The following FGFR2 variants were observed in gnomAD, a reference collection of about 807,000 sequenced individuals.
FGFR2 encodes the protein BEK fibroblast growth factor receptor.
Under a neutral mutation model 95.9 loss-of-function variants are expected in FGFR2, and 19 were observed. The observed-to-expected ratio is 0.20, with a 90% CI of 0.14 to 0.29. The LOEUF (loss-of-function observed/expected upper bound fraction) is 0.29, where lower values mean the gene tolerates loss of function less well. Ranked by LOEUF, FGFR2 falls within the 10% of genes least tolerant of loss-of-function variation. FGFR2 has a pLI of 1.00. For missense variants in FGFR2, 707 were observed against 1,056.9 expected (o/e 0.67, Z 4.59); for synonymous variants, 392 against 393.3 (o/e 1.00, Z 0.04).
chr10:121,582,137 G>A (rs976925902), intron 2 of FGFR2, among the ~76,000 whole-genome samples: 1 of 151,900 alleles, frequency 6.6e-6, no homozygotes, highest in African/African-American at 2.4e-5. Context: ...TCACCATGTT[G>A]GCCAGGCTAG....
intron 4 of FGFR2, among the ~76,000 whole-genome samples, chr10:121,552,410 TC>T: frequency 6.6e-6 from 1 of 152,306 alleles, no homozygotes; most frequent in Non-Finnish European, 1.5e-5. Flanking sequence ...ACATTAATCT[TC>T]ACAATGCTTC....
chr10:121,513,586 A>G (rs1303734787), intron 9 of FGFR2, among the ~76,000 whole-genome samples: 1 of 152,164 alleles, frequency 6.6e-6, no homozygotes, highest in South Asian at 2.1e-4. Context: ...AATAATAGAA[A>G]CCATGTAAGA....
At chr10:121,536,976 G>A (rs1852926040) in intron 6 of FGFR2, among the ~76,000 whole-genome samples, 1 of 152,136 alleles carries the variant, frequency 6.6e-6, no homozygotes, top group African/African-American at 2.4e-5. Flanking sequence ...AGGAACCCAG[G>A]TAAAGGCCAA....
chr10:121,537,085 T>C (rs1048112171), intron 6 of FGFR2, among the ~76,000 whole-genome samples: 2 of 152,234 alleles, frequency 1.3e-5, no homozygotes, highest in Admixed American at 1.3e-4. Context: ...TCTTTTTGTT[T>C]GTTTTGTAAA....
chr10:121,567,922 G>C (rs922436343), intron 2 of FGFR2, among the ~76,000 whole-genome samples: 1 of 152,214 alleles, frequency 6.6e-6, no homozygotes, highest in African/African-American at 2.4e-5. Flanking sequence ...GACAATCAGA[G>C]AGACTTCTCC....
chr10:121,597,909 C>T (rs2135542568), intron 1 of FGFR2, 53 bp downstream of exon 1: 1 of 389,588 alleles, frequency 2.6e-6, no homozygotes, highest in Non-Finnish European at 4.5e-6. Context: ...GCTCCCGTGG[C>T]GCCCACGTCC....
At position 121,478,896 on chromosome 10, in the gene FGFR2, C is replaced by T. The variant is rs937845670; in HGVS notation, c.*961G>A. 1 of 233,392 alleles carries T rather than the reference C, an allele frequency of 4.3e-6. No individual in the cohort carries two copies. Among genetic ancestry groups the T allele is most frequent in the Non-Finnish European group, 8.5e-6 (1 of 117,950 alleles). The allele number at this position is 233,392 out of a possible 1,614,324, so 14.5% of individuals were successfully genotyped here. A position where few individuals can be genotyped will look rare whatever the true frequency, so the allele number is the denominator to read the frequency against. On this transcript the variant is annotated 3_prime_UTR_variant, in exon 18 of 18. Coordinates refer to ENST00000358487, the MANE Select transcript of FGFR2 (RefSeq NM_000141.5). ...TGGATTAAGGCATCTTTTAAGAGGA[C>T]GCTGGTACCATTTATCTTGGGAAGT...
chr10:121,545,147 A>G (rs1383558741), intron 5 of FGFR2, among the ~76,000 whole-genome samples: 1 of 152,218 alleles, frequency 6.6e-6, no homozygotes, highest in Non-Finnish European at 1.5e-5. Context: ...TGTCTCAAAA[A>G]CAAACAAATA....
At chr10:121,507,574 C>A (rs751748523) in intron 9 of FGFR2, among the ~76,000 whole-genome samples, 1 of 151,874 alleles carries the variant, frequency 6.6e-6, no homozygotes, top group Non-Finnish European at 1.5e-5. Context: ...GGCGACAGAG[C>A]AAGACTCCAT....
At chr10:121,534,484 C>T (rs1379497626) in intron 6 of FGFR2, among the ~76,000 whole-genome samples, 1 of 152,052 alleles carries the variant, frequency 6.6e-6, no homozygotes, top group East Asian at 1.9e-4. Flanking sequence ...CCACCTCCAC[C>T]TCCCAGGTTA....
At chr10:121,543,963 G>A (rs1172290249) in intron 5 of FGFR2, among the ~76,000 whole-genome samples, 1 of 152,154 alleles carries the variant, frequency 6.6e-6, no homozygotes, top group South Asian at 2.1e-4. Flanking sequence ...AAAATGTCAC[G>A]ATCTTCCCCA....
At chr10:121,540,373 A>G (rs1853526178) in intron 5 of FGFR2, among the ~76,000 whole-genome samples, 1 of 152,076 alleles carries the variant, frequency 6.6e-6, no homozygotes, top group African/African-American at 2.4e-5. Context: ...TTGTAACAGG[A>G]CCCAGACAAC....
In FGFR2 at chr10:121,592,764, C is replaced by T. The variant is rs909200698; in HGVS notation, c.109+945G>A. 5.3e-5 allele frequency among the ~76,000 whole-genome samples: 8 copies of T among 152,162 alleles called. No individual in the cohort carries two copies. The East Asian group carries it at 5.8e-4, about 11-fold the overall frequency. ...ACCCCAGACACCACTCGGACTGCTGCGGGTTCCTAAAGCCAGGCAGGCACC... is the reference window on the plus strand; with the variant it reads ...ACCCCAGACACCACTCGGACTGCTGTGGGTTCCTAAAGCCAGGCAGGCACC... On this transcript the variant is annotated intron_variant, in intron 2 of 17. Coordinates refer to ENST00000358487, the MANE Select transcript of FGFR2 (RefSeq NM_000141.5).
intron 6 of FGFR2, among the ~76,000 whole-genome samples, chr10:121,533,226 T>C (rs990512419): frequency 2.6e-5 from 4 of 152,108 alleles, no homozygotes; most frequent in African/African-American, 9.7e-5. Flanking sequence ...CCATCTCTAC[T>C]AAAAACTACA....
chr10:121,593,547 T>C (rs1264878867), intron 2 of FGFR2, among the ~76,000 whole-genome samples, 162 bp downstream of exon 2: 1 of 152,068 alleles, frequency 6.6e-6, no homozygotes, highest in African/African-American at 2.4e-5. Context: ...CAAAGGACCT[T>C]CTCTCATCAG....
At chr10:121,569,842 G>T (rs1858326736) in intron 2 of FGFR2, among the ~76,000 whole-genome samples, 1 of 152,174 alleles carries the variant, frequency 6.6e-6, no homozygotes, top group African/African-American at 2.4e-5. Context: ...GGCCCATTTT[G>T]GGGATCAGCG....
intron 2 of FGFR2, among the ~76,000 whole-genome samples, chr10:121,581,584 A>T (rs1860884236): frequency 6.6e-6 from 1 of 151,228 alleles, no homozygotes; most frequent in Non-Finnish European, 1.5e-5. Context: ...CCAAAAAAAA[A>T]AAAAAAGAAA....
chr10:121,569,006 G>A (rs927943577), intron 2 of FGFR2, among the ~76,000 whole-genome samples: 3 of 152,086 alleles, frequency 2.0e-5, no homozygotes, highest in Non-Finnish European at 2.9e-5. Flanking sequence ...CTGTTGCAGG[G>A]TAAGAGTACC....
At chr10:121,544,805 T>C (rs1854276867) in intron 5 of FGFR2, among the ~76,000 whole-genome samples, 1 of 152,168 alleles carries the variant, frequency 6.6e-6, no homozygotes, top group Non-Finnish European at 1.5e-5. Context: ...ATGACTTAAA[T>C]GGTAGATTTT....
Sources: gnomAD v4.1 joint callset for allele counts (sites outside exome capture counted in the v4.1 genomes callset) on GRCh38, gnomAD v4.1.1 for gene constraint, MANE v1.5 for transcripts, NCBI Gene and HGNC (gene_info 2026-07-23, HGNC 2026-07-21) for gene names.